The following DCAF5 variants were observed in gnomAD, a reference collection of about 807,000 sequenced individuals.
DCAF5 encodes the protein DDB1- and CUL4-associated factor 5.
Under a neutral mutation model 80.7 loss-of-function variants are expected in DCAF5, and 9 were observed. The ratio of observed to expected loss-of-function variants is 0.11; its 90% CI spans 0.07 to 0.19. The LOEUF (loss-of-function observed/expected upper bound fraction) is 0.19, where lower values mean the gene tolerates loss of function less well. DCAF5 is among the 10% of genes least tolerant of loss of function. DCAF5 has a pLI of 1.00. For missense variants in DCAF5, 842 were observed against 1,205.7 expected, an observed-to-expected ratio of 0.70 and a Z score of 4.47; for synonymous variants, 433 against 461.9, an observed-to-expected ratio of 0.94 and a Z score of 0.80.
Position 69,137,935 on chromosome 14 carries a change from A to G in DCAF5, c.214+14830T>C, listed in dbSNP as rs564898607. Among the ~76,000 whole-genome samples the G allele has an allele frequency of 7.2e-5, 11 of 152,352 alleles. No individual in the cohort carries two copies. In the South Asian group the frequency reaches 2.3e-3, roughly 32 times the overall value. On this transcript the variant is annotated intron_variant, in intron 1 of 8. Transcript: ENST00000341516. The stretch of plus-strand genomic sequence containing the variant: ...TACCATAGGTATGTATACATAAGAC[A>G]AAACATAGTATACATAGGGTTCAGT...
intron 6 of DCAF5, among the ~76,000 whole-genome samples, chr14:69,076,814 T>A (rs898024775): frequency 2.6e-5 from 4 of 152,170 alleles, no homozygotes; most frequent in Non-Finnish European, 5.9e-5. Context: ...TAAAAAAAAA[T>A]TTTAATGCAG....
At chr14:69,094,294 T>C (rs1414998117) in intron 5 of DCAF5, among the ~76,000 whole-genome samples, 1 of 152,170 alleles carries the variant, frequency 6.6e-6, no homozygotes, top group East Asian at 1.9e-4. Flanking sequence ...TAGAGGAGTC[T>C]GCCCAGGACA....
At chr14:69,130,838 G>A (rs1303988169) in intron 1 of DCAF5, among the ~76,000 whole-genome samples, 4 of 152,156 alleles carry the variant, frequency 2.6e-5, no homozygotes, top group African/African-American at 9.7e-5. Flanking sequence ...GGAAGTGCAA[G>A]CTCTGGAATA....
rs145811173 is a variant in DCAF5, at chr14:69,055,384, T to C, written c.1302A>G (p.Ser434=). Residue 434 remains serine, a synonymous_variant, in exon 9 of 9, where the codon TCA becomes TCG. Coordinates refer to ENST00000341516, the MANE Select transcript of DCAF5 (RefSeq NM_003861.3). This position sits in a 1 kb window ranked among gnomAD's most constrained non-coding sequence, Gnocchi z 5.6. ...RREIEGWSSD[S]DSDLSESTIL... The stretch of plus-strand genomic sequence containing the variant: ...TAGTACTCTCACTGAGGTCACTGTC[T>C]GAGTCAGAGCTCCAGCCCTCGATCT... The C allele has an allele frequency of 3.5e-5, 57 of 1,614,028 alleles. No individual in the cohort carries two copies. The highest frequency in any genetic ancestry group is 1.6e-4 in the Middle Eastern group (1 of 6,084).
intron 8 of DCAF5, among the ~76,000 whole-genome samples, chr14:69,058,412 G>A (rs904416025): frequency 1.3e-5 from 2 of 151,796 alleles, no homozygotes; most frequent in Non-Finnish European, 2.9e-5. Context: ...CCAGCTACTC[G>A]GGAGGCTGAG....
intron 1 of DCAF5, among the ~76,000 whole-genome samples, chr14:69,128,641 G>A (rs372512396): frequency 3.9e-5 from 6 of 152,138 alleles, no homozygotes; most frequent in Non-Finnish European, 7.4e-5. Context: ...AATATTGTGC[G>A]CCTGTAGTCC....
intron 1 of DCAF5, among the ~76,000 whole-genome samples, chr14:69,141,622 T>A (rs2041376575): frequency 6.6e-6 from 1 of 152,112 alleles, no homozygotes; most frequent in Non-Finnish European, 1.5e-5. Context: ...CTTCAGATGG[T>A]CCCAAGTAAA....
intron 6 of DCAF5, among the ~76,000 whole-genome samples, chr14:69,085,995 T>C (rs891528304): frequency 4.6e-5 from 7 of 152,208 alleles, no homozygotes; most frequent in African/African-American, 1.7e-4. Context: ...TTCACACTAC[T>C]GTCGGCCTCA....
chr14:69,131,972 ATTTCTT>A (rs1007842575), intron 1 of DCAF5, among the ~76,000 whole-genome samples: 4 of 152,000 alleles, frequency 2.6e-5, no homozygotes, highest in Non-Finnish European at 5.9e-5. Context: ...TGTCAATTTC[ATTTCTT>A]TTTAAGGCTG....
chr14:69,147,703 CTAAA>C (rs1259173828), intron 1 of DCAF5, among the ~76,000 whole-genome samples: 1 of 152,162 alleles, frequency 6.6e-6, no homozygotes, highest in Non-Finnish European at 1.5e-5. Context: ...GACCAAGCAA[CTAAA>C]TGACTCTCCC....
At chr14:69,143,896 G>T (rs947491397) in intron 1 of DCAF5, 1 of 152,372 alleles carries the variant, frequency 6.6e-6, no homozygotes, top group African/African-American at 2.4e-5. Context: ...AAGGAACAAA[G>T]AAATCTGTAA....
rs2037951621 is a variant in DCAF5 at position 69,055,891 on chromosome 14, G to A, written c.1075-280C>T. ...TACCTAAGTCCTGTCTCTTGGCCCAGGGTAATCACATACTTTCTCCACCAG... is the reference window on the plus strand; with the variant it reads ...TACCTAAGTCCTGTCTCTTGGCCCAAGGTAATCACATACTTTCTCCACCAG... On this transcript the variant is annotated intron_variant, in intron 8 of 8. Coordinates refer to ENST00000341516, the MANE Select transcript of DCAF5 (RefSeq NM_003861.3). This position sits in a 1 kb window ranked among gnomAD's most constrained non-coding sequence, Gnocchi z 5.6. Among the ~76,000 whole-genome samples the A allele has an allele frequency of 6.6e-6, 1 of 152,146 alleles. No individual in the cohort carries two copies. Among genetic ancestry groups the A allele is most frequent in the Non-Finnish European group, 1.5e-5 (1 of 68,024 alleles).
chr14:69,078,938 C>T (rs2038998429), intron 6 of DCAF5, among the ~76,000 whole-genome samples: 1 of 152,092 alleles, frequency 6.6e-6, no homozygotes, highest in South Asian at 2.1e-4. Flanking sequence ...TCTCGGCTCA[C>T]TGCAACCTCC....
At chr14:69,065,163 T>C (rs1872996056) in intron 7 of DCAF5, among the ~76,000 whole-genome samples, 1 of 146,128 alleles carries the variant, frequency 6.8e-6, no homozygotes, top group Non-Finnish European at 1.5e-5. Flanking sequence ...AGTGGCTCGA[T>C]CTCGGCTCAC....
chr14:69,063,043 T>C (rs1175663254), intron 7 of DCAF5, among the ~76,000 whole-genome samples: 3 of 152,026 alleles, frequency 2.0e-5, no homozygotes, highest in East Asian at 3.9e-4. Flanking sequence ...GGGGAAATAA[T>C]AGAGAGAATA....
Position 69,147,434 on chromosome 14 carries a change from A to G in DCAF5, c.214+5331T>C, listed in dbSNP as rs571037670. Reference sequence around the variant, plus strand: ...GAATTTTACAAATGTTATTTCATTCAATCCTTACCACAACCCTGTAGGGTA... The same window carrying G: ...GAATTTTACAAATGTTATTTCATTCGATCCTTACCACAACCCTGTAGGGTA... On this transcript the variant is annotated intron_variant, in intron 1 of 8. Transcript: ENST00000341516. Among the ~76,000 whole-genome samples, 140 of 152,298 alleles carry G rather than the reference A, an allele frequency of 9.2e-4. 1 individual carries two copies. Among genetic ancestry groups the G allele is most frequent in the African/African-American group, 3.0e-3 (124 of 41,568 alleles).
At position 69,152,288 on chromosome 14, in the gene DCAF5, T is replaced by C. The variant is rs980936676; in HGVS notation, c.214+477A>G. 1 of 152,980 alleles carries C rather than the reference T, an allele frequency of 6.5e-6. No individual in the cohort carries two copies. Among genetic ancestry groups the C allele is most frequent in the Non-Finnish European group, 1.5e-5 (1 of 68,514 alleles). The allele number at this position is 152,980 out of a possible 1,614,324, so 9.5% of individuals were successfully genotyped here. On this transcript the variant is annotated intron_variant, in intron 1 of 8. Coordinates refer to ENST00000341516, the MANE Select transcript of DCAF5 (RefSeq NM_003861.3). The surrounding 1 kb of genome is among the most constrained non-coding windows in gnomAD (Gnocchi z 4.1). ...CCCGGCCCCTCGGCGTCCGGGTCTGTCACCGCCCGCTTCCCAGCCCCAAGA... is the reference window on the plus strand; with the variant it reads ...CCCGGCCCCTCGGCGTCCGGGTCTGCCACCGCCCGCTTCCCAGCCCCAAGA...
intron 1 of DCAF5, among the ~76,000 whole-genome samples, chr14:69,134,343 T>C (rs1020440721): frequency 1.3e-5 from 2 of 152,236 alleles, no homozygotes; most frequent in African/African-American, 4.8e-5. Flanking sequence ...ACTTAGACTT[T>C]ATAGTAATGT....
At chr14:69,065,832 C>T (rs922737848) in intron 7 of DCAF5, among the ~76,000 whole-genome samples, 1 of 152,136 alleles carries the variant, frequency 6.6e-6, no homozygotes, top group Non-Finnish European at 1.5e-5. Flanking sequence ...ATAGTAGTAT[C>T]AAATTGGAAG....
Sources: gnomAD v4.1 joint callset for allele counts (sites outside exome capture counted in the v4.1 genomes callset) on GRCh38, gnomAD v4.1.1 for gene constraint, Gnocchi (gnomAD v3.1) non-coding constraint, MANE v1.5 for transcripts, NCBI Gene and HGNC (gene_info 2026-07-23, HGNC 2026-07-21) for gene names.